KIF27: variants seen among roughly 807,000 people sequenced by gnomAD.
KIF27 encodes kinesin-like protein KIF27.
KIF27 carries 84 observed loss-of-function variants against 141.8 expected under a neutral mutation model. The ratio of observed to expected loss-of-function variants is 0.59; its 90% CI spans 0.50 to 0.71. KIF27 has a LOEUF of 0.71. Among genes scored for constraint, KIF27 ranks in the 30% least tolerant of loss-of-function variants. KIF27 has a pLI of 0.00. For synonymous variants in KIF27, 471 were observed against 569.5 expected (o/e 0.83, Z 2.46); for missense variants, 1,306 against 1,628.4 (o/e 0.80, Z 3.41).
intron 1 of KIF27, among the ~76,000 whole-genome samples, chr9:83,918,697 T>C (rs2132872875): frequency 6.6e-6 from 1 of 152,054 alleles, no homozygotes; most frequent in South Asian, 2.1e-4. Flanking sequence ...TCCCAGAATT[T>C]TAGGAGACTG....
At chr9:83,899,827 G>C in intron 4 of KIF27, 23 bp from the exon 5 acceptor site, 1 of 1,587,088 alleles carries the variant, frequency 6.3e-7, no homozygotes, top group South Asian at 1.1e-5. Flanking sequence ...GAAAGCACAA[G>C]TGACATTCAC....
At chr9:83,906,960 G>T (rs1954611712) in intron 3 of KIF27, among the ~76,000 whole-genome samples, 1 of 151,712 alleles carries the variant, frequency 6.6e-6, no homozygotes, top group Non-Finnish European at 1.5e-5. Context: ...AATCTAAAAT[G>T]CAAAACTGTG....
chr9:83,889,590 T>G (rs1199945680), intron 6 of KIF27, among the ~76,000 whole-genome samples: 3 of 151,042 alleles, frequency 2.0e-5, no homozygotes, highest in Admixed American at 1.3e-4. Flanking sequence ...CCCCAACAAA[T>G]GTACCCTCTT....
chr9:83,838,160 A>G (rs1946116951), intron 17 of KIF27, among the ~76,000 whole-genome samples: 2 of 152,244 alleles, frequency 1.3e-5, no homozygotes, highest in African/African-American at 2.4e-5. Context: ...TACTAGACCT[A>G]ATATGATGAA....
At chr9:83,848,599 T>C (rs1948150738) in intron 16 of KIF27, 1 of 146,580 alleles carries the variant, frequency 6.8e-6, no homozygotes, top group South Asian at 2.2e-4. Flanking sequence ...TATATGAATA[T>C]ATGCATATAT....
At chr9:83,906,676 T>C (rs1176748214) in intron 3 of KIF27, among the ~76,000 whole-genome samples, 1 of 148,496 alleles carries the variant, frequency 6.7e-6, no homozygotes, top group East Asian at 2.0e-4. Context: ...TCATGAGGTT[T>C]AGGCTGCAGT....
rs746054884 is a variant in KIF27 at position 83,915,552 on chromosome 9, G to C, written c.40C>G (p.Pro14Ala). 2 of 1,610,268 alleles carry C rather than the reference G, an allele frequency of 1.2e-6. No individual in the cohort carries two copies. Among genetic ancestry groups the C allele is most frequent in the South Asian group, 1.1e-5 (1 of 90,076 alleles). ...IPVKVAVRIR[P>A]LLCKEALHNH... ...TGAAGAGCTTCTTTGCAAAGCAGAG[G>C]TCTAATTCTTACAGCAACTTTTACT... Residue 14 changes from proline (P) to alanine (A), a missense_variant, in exon 2 of 18, where the codon CCT (proline) becomes GCT (alanine). Coordinates refer to ENST00000297814, the MANE Select transcript of KIF27 (RefSeq NM_017576.4).
Position 83,870,605 on chromosome 9 carries a change from C to G in KIF27, c.2671G>C (p.Glu891Gln). The change falls in exon 12 of 18, where the codon GAA (glutamate) becomes CAA (glutamine). Residue 891 changes from glutamate to glutamine, a missense_variant. Transcript: ENST00000297814. Reference protein sequence around the residue: ...KEIQLKTGQEEGLKPKAEDLD... With the variant: ...KEIQLKTGQEQGLKPKAEDLD... ...TCCTCAGCTTTCGGTTTTAGACCTT[C>G]TTCCTGTCCTGTTTTTAATTGTATT... The G allele has an allele frequency of 6.2e-7, 1 of 1,613,552 alleles. No individual in the cohort carries two copies. Among genetic ancestry groups the G allele is most frequent in the Non-Finnish European group, 8.5e-7 (1 of 1,179,768 alleles).
intron 4 of KIF27, among the ~76,000 whole-genome samples, chr9:83,901,497 A>G (rs1338676260): frequency 2.0e-5 from 3 of 152,230 alleles, no homozygotes; most frequent in Non-Finnish European, 4.4e-5. Flanking sequence ...ACTGAAGCAG[A>G]TAAGAAAATC....
chr9:83,915,530 A>G lies in KIF27; in HGVS notation c.62T>C (p.Leu21Pro). The stretch of plus-strand genomic sequence containing the variant: ...TCTCACACAAACTTGATGATTATGA[A>G]GAGCTTCTTTGCAAAGCAGAGGTCT... ...RIRPLLCKEA[L>P]HNHQVCVRVI... The change falls in exon 2 of 18, where the codon CTT (leucine) becomes CCT (proline). Residue 21 changes from leucine (L) to proline (P), a missense_variant. Physicochemically the swap from Leu to Pro is moderately conservative, Grantham distance 98. Coordinates refer to ENST00000297814, the MANE Select transcript of KIF27 (RefSeq NM_017576.4). 6.2e-7 allele frequency: 1 copy of G among 1,613,824 alleles called. No homozygotes were observed. The highest frequency in any genetic ancestry group is 2.2e-5 in the East Asian group (1 of 44,856).
At chr9:83,920,183 G>A (rs1380797121) in intron 1 of KIF27, among the ~76,000 whole-genome samples, 1 of 152,152 alleles carries the variant, frequency 6.6e-6, no homozygotes, top group African/African-American at 2.4e-5. Flanking sequence ...GTGTGCCACT[G>A]CACTCCAGCC....
At chr9:83,843,424 CAT>C (rs1259369335) in intron 16 of KIF27, among the ~76,000 whole-genome samples, 2 of 151,430 alleles carry the variant, frequency 1.3e-5, no homozygotes, top group Non-Finnish European at 2.9e-5. Flanking sequence ...TCAGAAAAAA[CAT>C]AATTTCAGAC....
In KIF27 at chr9:83,867,926, T is replaced by C. The variant is rs189866422; in HGVS notation, c.2758-66A>G. The C allele has an allele frequency of 9.0e-5, 129 of 1,434,574 alleles. No homozygotes were observed. The Middle Eastern group carries it at 9.5e-4, about 11-fold the overall frequency. 88.9% of individuals were successfully genotyped at this position (1,434,574 alleles called of 1,614,324 possible). On this transcript the variant is annotated intron_variant, in intron 12 of 17. Coordinates refer to ENST00000297814, the MANE Select transcript of KIF27 (RefSeq NM_017576.4). The stretch of plus-strand genomic sequence containing the variant: ...TGCCATAAAAATTATATGGTAATAA[T>C]AGAATTTCAGATTGGCTGAAATCTC...
chr9:83,848,133 A>G (rs1250351787), intron 16 of KIF27, among the ~76,000 whole-genome samples: 1 of 43,214 alleles, frequency 2.3e-5, no homozygotes, highest in East Asian at 4.5e-4. Flanking sequence ...CTGATATCTC[A>G]TATATGATAT....
intron 14 of KIF27, among the ~76,000 whole-genome samples, chr9:83,856,381 T>C (rs955277098): frequency 6.6e-6 from 1 of 150,902 alleles, no homozygotes; most frequent in South Asian, 2.1e-4. Context: ...CTGAGGCGGG[T>C]GGATCACTTG....
intron 14 of KIF27, chr9:83,858,824 A>T: frequency 6.2e-6 from 2 of 323,330 alleles, no homozygotes; most frequent in Admixed American, 4.4e-5. Context: ...TGCCCTCCAG[A>T]AGAGTCCCTC....
At chr9:83,921,321 G>A (rs1412295575) in intron 1 of KIF27, 50 bp downstream of exon 1, 1 of 121,994 alleles carries the variant, frequency 8.2e-6, no homozygotes, top group Non-Finnish European at 1.7e-5. Context: ...ACCGCGAAGG[G>A]AGGGCGCCCC....
intron 12 of KIF27, chr9:83,868,428 T>G (rs1354981886): frequency 6.6e-6 from 1 of 152,262 alleles, no homozygotes; most frequent in East Asian, 1.9e-4. Flanking sequence ...TGATGGAGGA[T>G]GGAAGGAAAG....
chr9:83,860,235 A>G (rs1949740489), intron 13 of KIF27: 1 of 152,224 alleles, frequency 6.6e-6, no homozygotes, highest in African/African-American at 2.4e-5. Flanking sequence ...ACATACTATC[A>G]TAAGGTTTAT....
Sources: gnomAD v4.1 joint callset for allele counts (sites outside exome capture counted in the v4.1 genomes callset) on GRCh38, gnomAD v4.1.1 for gene constraint, MANE v1.5 for transcripts, NCBI Gene and HGNC (gene_info 2026-07-23, HGNC 2026-07-21) for gene names.